Variants in CREG2 observed in about 807,000 individuals in gnomAD.
The protein encoded by CREG2 is protein CREG2.
In CREG2, 24 loss-of-function variants were observed where a neutral mutation model predicts 26.2. The observed-to-expected ratio is 0.92, with a 90% CI of 0.66 to 1.29. CREG2 has a LOEUF of 1.29. Among genes scored for constraint, CREG2 ranks in the 50% most tolerant of loss-of-function variants. CREG2 has a pLI of 0.00. For synonymous variants in CREG2, 174 were observed against 169.2 expected, an observed-to-expected ratio of 1.03 and a Z score of -0.22; for missense variants, 366 against 398.6, an observed-to-expected ratio of 0.92 and a Z score of 0.70.
intron 2 of CREG2, among the ~76,000 whole-genome samples, chr2:101,370,407 G>A (rs575176041): frequency 1.1e-4 from 16 of 152,200 alleles, no homozygotes; most frequent in Admixed American, 4.6e-4. Context: ...TACACAAATT[G>A]AAACGTTTCA....
chr2:101,361,257 C>T (rs1164041605), intron 2 of CREG2, among the ~76,000 whole-genome samples: 15 of 152,230 alleles, frequency 9.9e-5, no homozygotes. Context: ...CTTCCTTCTA[C>T]ATGTGGTAGA....
intron 3 of CREG2, 41 bp downstream of exon 3, chr2:101,355,212 T>G (rs777608891): frequency 8.8e-6 from 11 of 1,244,262 alleles, no homozygotes; most frequent in Non-Finnish European, 1.3e-5. Context: ...TTATTAGTAT[T>G]GTGTATTTCT....
chr2:101,358,989 C>T (rs1684501099), intron 2 of CREG2, among the ~76,000 whole-genome samples: 1 of 27,128 alleles, frequency 3.7e-5, no homozygotes, highest in African/African-American at 7.1e-5. Flanking sequence ...GAGCCGAGAT[C>T]CCGCCACTGC....
intron 1 of CREG2, among the ~76,000 whole-genome samples, chr2:101,385,213 C>T (rs1558823243): frequency 6.6e-6 from 1 of 152,082 alleles, no homozygotes; most frequent in Admixed American, 6.5e-5. Context: ...GAGTCTCACT[C>T]TGTTTGTTGC....
intron 2 of CREG2, among the ~76,000 whole-genome samples, chr2:101,359,952 A>G (rs1684516451): frequency 6.6e-6 from 1 of 152,206 alleles, no homozygotes. Flanking sequence ...TAGGTCTGCA[A>G]TCTAAGTCTG....
chr2:101,368,750 T>C (rs181527607), intron 2 of CREG2, among the ~76,000 whole-genome samples: 2 of 152,280 alleles, frequency 1.3e-5, no homozygotes, highest in Admixed American at 1.3e-4. Context: ...TGTCTTATAA[T>C]AAAAGAGGCC....
At chr2:101,378,662 G>A (rs899860506) in intron 2 of CREG2, among the ~76,000 whole-genome samples, 21 of 151,994 alleles carry the variant, frequency 1.4e-4, no homozygotes, top group African/African-American at 3.6e-4. Flanking sequence ...TCCCCTCTTC[G>A]TCATACCAGT....
chr2:101,372,896 A>T (rs534849690), intron 2 of CREG2, among the ~76,000 whole-genome samples: 127 of 152,376 alleles, frequency 8.3e-4, no homozygotes, highest in African/African-American at 3.0e-3. Flanking sequence ...GATGCTCAGC[A>T]TCGTTAGTCA....
intron 2 of CREG2, chr2:101,382,050 T>C (rs1684882803): frequency 6.6e-6 from 1 of 152,198 alleles, no homozygotes; most frequent in Non-Finnish European, 1.5e-5. Flanking sequence ...GTCCCAAGTA[T>C]ATATTCTGTT....
rs1367099994 is a variant in CREG2 at position 101,349,267 on chromosome 2, T to C, written c.*1656A>G. The C allele has an allele frequency of 6.6e-6, 1 of 152,646 alleles. No homozygotes were observed. Among genetic ancestry groups the C allele is most frequent in the Non-Finnish European group, 1.5e-5 (1 of 68,034 alleles). The allele number at this position is 152,646 out of a possible 1,614,324, so 9.5% of individuals were successfully genotyped here. ...ATAAAATTCCCTCAGAAGTACCTTA[T>C]TCTTATATATTAGAAATCACTACTG... On this transcript the variant is annotated 3_prime_UTR_variant, in exon 4 of 4. Transcript: ENST00000324768.
intron 1 of CREG2, among the ~76,000 whole-genome samples, chr2:101,383,941 AG>A (rs1368780592): frequency 2.0e-5 from 3 of 152,204 alleles, no homozygotes; most frequent in East Asian, 1.9e-4. Context: ...CCTGTTTGGA[AG>A]GGGTGGTGAA....
At chr2:101,373,635 G>C (rs1213697094) in intron 2 of CREG2, among the ~76,000 whole-genome samples, 1 of 152,176 alleles carries the variant, frequency 6.6e-6, no homozygotes, top group Non-Finnish European at 1.5e-5. Flanking sequence ...GGAGGAAAAG[G>C]ATAGTGCAAT....
chr2:101,376,138 G>A (rs1359998723), intron 2 of CREG2: 2 of 154,142 alleles, frequency 1.3e-5, no homozygotes, highest in Non-Finnish European at 2.9e-5. Context: ...GTTATTGAAG[G>A]AAAGGGAAAC....
chr2:101,382,565 G>A, intron 2 of CREG2: 4 of 985,416 alleles, frequency 4.1e-6, no homozygotes, highest in Non-Finnish European at 4.8e-6. Flanking sequence ...GCTTCTTGCT[G>A]TAACCTGGTG....
chr2:101,372,023 C>T (rs1194928412), intron 2 of CREG2, among the ~76,000 whole-genome samples: 2 of 152,072 alleles, frequency 1.3e-5, no homozygotes, highest in Non-Finnish European at 2.9e-5. Flanking sequence ...AAGGCCAGGT[C>T]AGGTTGGGCA....
At chr2:101,355,193 G>T in intron 3 of CREG2, 60 bp downstream of exon 3, 2 of 1,116,216 alleles carry the variant, frequency 1.8e-6, no homozygotes, top group South Asian at 1.3e-5. Context: ...GGCACAGCCT[G>T]ACCTCTGCTT....
rs1684985480 is a variant in CREG2, at chr2:101,387,163, C to CG, written c.294dup (p.Ala99ArgfsTer23). ...CGGTAGGAGAACATCCCGGGTGGCG[C>CG]GGGGGGCGGCCTGGCCCGGGCGGCG... On this transcript the variant is annotated frameshift_variant, in exon 1 of 4. Transcript: ENST00000324768. LOFTEE classifies it high-confidence loss of function. The surrounding 1 kb of genome is among the most constrained non-coding windows in gnomAD (Gnocchi z 4.7). 2 of 1,273,608 alleles carry CG rather than the reference C, an allele frequency of 1.6e-6. No homozygotes were observed. The highest frequency in any genetic ancestry group is 2.0e-6 in the Non-Finnish European group (2 of 1,008,592). 78.9% of individuals were successfully genotyped at this position (1,273,608 alleles called of 1,614,324 possible).
chr2:101,346,371 A>T lies in CREG2; in HGVS notation c.*4552T>A, dbSNP rs1413003888. 1 of 152,206 alleles carries T rather than the reference A, an allele frequency of 6.6e-6. No homozygotes were observed. The highest frequency in any genetic ancestry group is 1.5e-5 in the Non-Finnish European group (1 of 68,026). The allele number at this position is 152,206 out of a possible 1,614,324, so 9.4% of individuals were successfully genotyped here. ...TACTGGAAATATAGTTCTTCTCTAT[A>T]AAATCAGTGGAGAATCATTATATAC... is the stretch of plus-strand genomic sequence containing the variant. On this transcript the variant is annotated 3_prime_UTR_variant, in exon 4 of 4. Transcript: ENST00000324768.
At position 101,372,508 on chromosome 2, in the gene CREG2, C is replaced by G. The variant is rs540524933; in HGVS notation, c.611+11025G>C. On this transcript the variant is annotated intron_variant, in intron 2 of 3. Transcript: ENST00000324768. Reference sequence around the variant, plus strand: ...TTTCTCATGTTTAGACACTTTCTTACCATTTCTACACACTAGAGAACTTAG... The same window carrying G: ...TTTCTCATGTTTAGACACTTTCTTAGCATTTCTACACACTAGAGAACTTAG... Among the ~76,000 whole-genome samples, 5 of 152,290 alleles carry G rather than the reference C, an allele frequency of 3.3e-5. 1 individual carries two copies. The South Asian group carries it at 1.0e-3, about 32-fold the overall frequency.
Sources: allele counts gnomAD v4.1 joint callset (sites outside exome capture counted in the v4.1 genomes callset), GRCh38; gene constraint gnomAD v4.1.1; non-coding constraint Gnocchi (gnomAD v3.1); transcripts MANE v1.5; gene names NCBI Gene and HGNC (gene_info 2026-07-23, HGNC 2026-07-21).